MGAT4C: variants seen among roughly 807,000 people sequenced by gnomAD.
MGAT4C encodes alpha-1,3-mannosyl-glycoprotein 4-beta-N-acetylglucosaminyltransferase C.
Under a neutral mutation model 40.1 loss-of-function variants are expected in MGAT4C, and 19 were observed. That is an observed-to-expected ratio of 0.47 (90% confidence interval 0.33 to 0.70). The LOEUF is 0.70. Among genes scored for constraint, MGAT4C ranks in the 30% least tolerant of loss-of-function variants. The probability of loss-of-function intolerance (pLI) is 0.02; values close to 1 mark genes in which losing one functional copy is unlikely to be tolerated. For synonymous variants in MGAT4C, 181 were observed against 187.1 expected (o/e 0.97, Z 0.27); for missense variants, 491 against 563.2 (o/e 0.87, Z 1.30).
chr12:86,667,552 T>TAA (rs1964144807), intron 2 of MGAT4C, among the ~76,000 whole-genome samples: 1 of 152,196 alleles, frequency 6.6e-6, no homozygotes, highest in Non-Finnish European at 1.5e-5. Flanking sequence ...CAGTCTCTGT[T>TAA]ACTATTAAAC....
At chr12:86,311,237 T>C (rs1407125409) in intron 4 of MGAT4C, among the ~76,000 whole-genome samples, 1 of 152,216 alleles carries the variant, frequency 6.6e-6, no homozygotes, top group Admixed American at 6.5e-5. Flanking sequence ...GGATAGCCTA[T>C]TGATGCTTGG....
At chr12:86,436,792 C>T (rs925798558) in intron 2 of MGAT4C, among the ~76,000 whole-genome samples, 1 of 151,520 alleles carries the variant, frequency 6.6e-6, no homozygotes, top group African/African-American at 2.4e-5. Context: ...GTAACATATT[C>T]GGAGCTGTGA....
intron 1 of MGAT4C, among the ~76,000 whole-genome samples, chr12:86,184,510 G>A (rs1020124230): frequency 6.6e-6 from 1 of 151,690 alleles, no homozygotes; most frequent in Non-Finnish European, 1.5e-5. Context: ...TAATTTCTGT[G>A]TATCATTCTT....
At chr12:86,504,313 T>C (rs1958431998) in intron 2 of MGAT4C, among the ~76,000 whole-genome samples, 1 of 152,128 alleles carries the variant, frequency 6.6e-6, no homozygotes, top group African/African-American at 2.4e-5. Flanking sequence ...ATTTGGTACA[T>C]ATGTGTGTGT....
intron 1 of MGAT4C, among the ~76,000 whole-genome samples, chr12:86,242,401 C>T (rs1434950820): frequency 6.6e-6 from 1 of 152,166 alleles, no homozygotes; most frequent in Non-Finnish European, 1.5e-5. Flanking sequence ...TGCATCATTT[C>T]ATTTATTTAA....
At chr12:86,281,180 G>T (rs371210313) in intron 4 of MGAT4C, among the ~76,000 whole-genome samples, 8 of 151,226 alleles carry the variant, frequency 5.3e-5, no homozygotes, top group South Asian at 2.1e-4. Context: ...TATGACTTAC[G>T]GTATACATCT....
At chr12:86,173,421 A>G (rs984620140) in intron 1 of MGAT4C, among the ~76,000 whole-genome samples, 1 of 152,154 alleles carries the variant, frequency 6.6e-6, no homozygotes, top group South Asian at 2.1e-4. Flanking sequence ...TGCCCATAAT[A>G]GAACAACTAT....
chr12:86,658,726 G>C (rs966549733), intron 2 of MGAT4C, among the ~76,000 whole-genome samples: 1 of 151,908 alleles, frequency 6.6e-6, no homozygotes, highest in Non-Finnish European at 1.5e-5. Context: ...TTTACCACTT[G>C]TGTTAAATTG....
intron 3 of MGAT4C, among the ~76,000 whole-genome samples, chr12:86,402,216 A>T (rs981612081): frequency 1.3e-5 from 2 of 151,990 alleles, no homozygotes; most frequent in Admixed American, 6.6e-5. Flanking sequence ...AGGCCGAGGC[A>T]GGCGGATCCC....
intron 4 of MGAT4C, among the ~76,000 whole-genome samples, chr12:86,328,443 A>G (rs12314377): frequency 0.014 from 2,118 of 152,308 alleles, 64 homozygotes; most frequent in African/African-American, 0.049. Context: ...TAACAGTAAT[A>G]GAATACTTGA....
chr12:86,008,366 T>G (rs957942581), intron 2 of MGAT4C, among the ~76,000 whole-genome samples: 2 of 152,060 alleles, frequency 1.3e-5, no homozygotes, highest in Admixed American at 1.3e-4. Context: ...TGCTGACATC[T>G]TTCATGCCTG....
chr12:86,769,654 G>A (rs2136166430), intron 1 of MGAT4C, among the ~76,000 whole-genome samples: 1 of 152,156 alleles, frequency 6.6e-6, no homozygotes, highest in Admixed American at 6.6e-5. Flanking sequence ...AGAAAATGTG[G>A]CACATATACA....
chr12:86,599,737 A>G (rs936488107), intron 2 of MGAT4C: 1 of 152,208 alleles, frequency 6.6e-6, no homozygotes, highest in African/African-American at 2.4e-5. Context: ...TTTATATCGC[A>G]TAACTTTGTG....
intron 2 of MGAT4C, among the ~76,000 whole-genome samples, chr12:86,725,441 G>A (rs930779675): frequency 6.6e-6 from 1 of 151,964 alleles, no homozygotes; most frequent in African/African-American, 2.4e-5. Flanking sequence ...AAACATCAGC[G>A]CCCCCTGACA....
chr12:86,822,948 T>C (rs561146940), intron 1 of MGAT4C, among the ~76,000 whole-genome samples: 1 of 151,184 alleles, frequency 6.6e-6, no homozygotes, highest in South Asian at 2.1e-4. Flanking sequence ...AGACTGAAAT[T>C]ATACCAAGTC....
chr12:86,419,118 T>C (rs958195843), intron 3 of MGAT4C, among the ~76,000 whole-genome samples: 1 of 152,118 alleles, frequency 6.6e-6, no homozygotes, highest in African/African-American at 2.4e-5. Context: ...GGAAAAAATA[T>C]AACATTATTT....
chr12:86,398,917 C>T (rs562514787), intron 3 of MGAT4C, among the ~76,000 whole-genome samples: 1 of 152,190 alleles, frequency 6.6e-6, no homozygotes, highest in East Asian at 1.9e-4. Flanking sequence ...GGGATTTCCG[C>T]TGTCCAGGCC....
At chr12:86,086,214 A>C (rs1312350307) in intron 1 of MGAT4C, among the ~76,000 whole-genome samples, 2 of 152,136 alleles carry the variant, frequency 1.3e-5, no homozygotes, top group East Asian at 3.9e-4. Context: ...GCAGCCATAA[A>C]AAGAATGAGT....
At chr12:86,641,708 T>G (rs1183513556) in intron 2 of MGAT4C, among the ~76,000 whole-genome samples, 2 of 151,558 alleles carry the variant, frequency 1.3e-5, no homozygotes, top group Admixed American at 1.3e-4. Flanking sequence ...TGAAATAGGA[T>G]TGTGTGATAA....
Sources: allele counts gnomAD v4.1 joint callset (sites outside exome capture counted in the v4.1 genomes callset), GRCh38; gene constraint gnomAD v4.1.1; transcripts MANE v1.5; gene names NCBI Gene and HGNC (gene_info 2026-07-23, HGNC 2026-07-21).